Variants in PGM5 observed in about 807,000 individuals in gnomAD.
The protein encoded by PGM5 is phosphoglucomutase 5.
A neutral mutation model predicts 59.2 loss-of-function variants in PGM5; 23 were observed. That is an observed-to-expected ratio of 0.39 (90% CI 0.28 to 0.55). The LOEUF (loss-of-function observed/expected upper bound fraction) is 0.55, where lower values mean the gene tolerates loss of function less well. Among genes scored for constraint, PGM5 ranks in the 20% least tolerant of loss-of-function variants. The pLI is 0.66. For missense variants in PGM5, 574 were observed against 748.3 expected (o/e 0.77, Z 2.72); for synonymous variants, 214 against 286.0 (o/e 0.75, Z 2.54).
chr9:68,374,860 C>T (rs1363052598), intron 1 of PGM5, among the ~76,000 whole-genome samples: 3 of 152,136 alleles, frequency 2.0e-5, no homozygotes, highest in Non-Finnish European at 2.9e-5. Context: ...GGGAAATAAA[C>T]ATATAATGTA....
At chr9:68,456,814 T>C (rs1823787226) in intron 6 of PGM5, among the ~76,000 whole-genome samples, 1 of 151,522 alleles carries the variant, frequency 6.6e-6, no homozygotes, top group African/African-American at 2.4e-5. Context: ...TTAGTAGAAA[T>C]GGGGTTTTGC....
chr9:68,406,660 GTATATATATATATATATGTATA>G (rs1405861626), intron 6 of PGM5, among the ~76,000 whole-genome samples: 612 of 57,628 alleles, frequency 0.011, 45 homozygotes, highest in South Asian at 0.015. Flanking sequence ...ATTAAATTAG[GTATATATATATATATATGTATA>G]TATATATATA....
At chr9:68,403,721 G>A (rs1587795522) in intron 6 of PGM5, among the ~76,000 whole-genome samples, 1 of 152,268 alleles carries the variant, frequency 6.6e-6, no homozygotes, top group Non-Finnish European at 1.5e-5. Context: ...TATTTGTGAG[G>A]GCAGGAAAAG....
intron 6 of PGM5, among the ~76,000 whole-genome samples, chr9:68,420,649 T>C (rs1823112427): frequency 6.6e-6 from 1 of 152,192 alleles, no homozygotes; most frequent in Admixed American, 6.5e-5. Context: ...CCTTGTTTAT[T>C]AATCTATGGC....
chr9:68,472,652 T>C (rs558783137), intron 7 of PGM5, among the ~76,000 whole-genome samples: 3 of 152,346 alleles, frequency 2.0e-5, no homozygotes, highest in Non-Finnish European at 4.4e-5. Context: ...AAAGAGGCAT[T>C]CATTTATTCA....
At chr9:68,358,333 C>T (rs1446424494) in intron 1 of PGM5, among the ~76,000 whole-genome samples, 1 of 152,182 alleles carries the variant, frequency 6.6e-6, no homozygotes, top group African/African-American at 2.4e-5. Context: ...CTGCCCCTTT[C>T]CTCTCTGTCC....
intron 6 of PGM5, among the ~76,000 whole-genome samples, chr9:68,420,925 TC>T (rs1180029304): frequency 2.0e-5 from 3 of 152,200 alleles, no homozygotes; most frequent in Non-Finnish European, 4.4e-5. Flanking sequence ...GTGCTTTGGG[TC>T]AGTGAAGTGT....
chr9:68,448,296 G>A (rs1178589792), intron 6 of PGM5, among the ~76,000 whole-genome samples: 7 of 152,154 alleles, frequency 4.6e-5, no homozygotes, highest in Non-Finnish European at 8.8e-5. Flanking sequence ...CAGTAGCAAC[G>A]CTCTTCCCAG....
chr9:68,498,455 G>T (rs1554688361), intron 9 of PGM5: 1 of 152,112 alleles, frequency 6.6e-6, no homozygotes, highest in Non-Finnish European at 1.5e-5. Context: ...CACTGAGCCA[G>T]ACAAAGGCAT....
At chr9:68,425,776 T>C (rs1031864279) in intron 6 of PGM5, among the ~76,000 whole-genome samples, 16 of 152,348 alleles carry the variant, frequency 1.1e-4, no homozygotes, top group Admixed American at 8.5e-4. Flanking sequence ...TAAATTTTAC[T>C]GATTAATGAT....
chr9:68,393,837 A>G (rs1554679751), intron 6 of PGM5: 1 of 152,158 alleles, frequency 6.6e-6, no homozygotes, highest in Admixed American at 6.6e-5. Context: ...ATGATTCATA[A>G]TGGCTAATAA....
chr9:68,461,853 G>C (rs17059173), intron 6 of PGM5, among the ~76,000 whole-genome samples: 5,499 of 152,062 alleles, frequency 0.036, 107 homozygotes, highest in African/African-American at 0.048. Context: ...CAGGCAACTT[G>C]AAGTATTCTG....
intron 10 of PGM5, among the ~76,000 whole-genome samples, chr9:68,512,275 C>CT (rs1554689425): frequency 6.6e-6 from 1 of 152,190 alleles, no homozygotes; most frequent in East Asian, 1.9e-4. Flanking sequence ...TGCTCTCTGG[C>CT]TTCAAGGGAT....
intron 6 of PGM5, among the ~76,000 whole-genome samples, chr9:68,456,435 C>T (rs187321982): frequency 1.8e-4 from 28 of 151,488 alleles, no homozygotes; most frequent in East Asian, 3.9e-4. Context: ...TTCAGCCTCC[C>T]GAGTAGCTGG....
intron 1 of PGM5, among the ~76,000 whole-genome samples, chr9:68,376,830 TTTCTCTTTC>T (rs1821917745): frequency 9.2e-6 from 1 of 108,620 alleles, no homozygotes; most frequent in African/African-American, 3.7e-5. Context: ...TCTTTCTTTC[TTTCTCTTTC>T]TTTCTTTCTT....
At chr9:68,466,245 G>T in intron 7 of PGM5, 1 of 1,162,746 alleles carries the variant, frequency 8.6e-7, no homozygotes, top group Non-Finnish European at 1.1e-6. Context: ...CCTGTTGAAG[G>T]AATTCTTCTT....
intron 10 of PGM5, among the ~76,000 whole-genome samples, chr9:68,524,188 A>G (rs187757844): frequency 1.3e-5 from 2 of 152,174 alleles, no homozygotes; most frequent in Non-Finnish European, 2.9e-5. Context: ...GTGGGTGTGG[A>G]TGCCAAAATA....
At chr9:68,517,318 G>A (rs1824838736) in intron 10 of PGM5, among the ~76,000 whole-genome samples, 1 of 152,120 alleles carries the variant, frequency 6.6e-6, no homozygotes, top group Non-Finnish European at 1.5e-5. Context: ...ACGCAAATCT[G>A]CCAGCCCTCC....
intron 1 of PGM5, among the ~76,000 whole-genome samples, chr9:68,377,716 A>G (rs1668927420): frequency 6.6e-6 from 1 of 152,286 alleles, no homozygotes. Context: ...TGAAGATTAC[A>G]GTTAAAATAT....
Sources: gnomAD v4.1 joint callset for allele counts (sites outside exome capture counted in the v4.1 genomes callset) on GRCh38, gnomAD v4.1.1 for gene constraint, MANE v1.5 for transcripts, NCBI Gene and HGNC (gene_info 2026-07-23, HGNC 2026-07-21) for gene names.